The following GPC6 variants were observed in gnomAD, a reference collection of about 807,000 sequenced individuals.
GPC6 encodes glypican 6, also known as glypican-6.
In GPC6, 14 loss-of-function variants were observed where a neutral mutation model predicts 55.2. That is an observed-to-expected ratio of 0.25 (90% CI 0.17 to 0.40). GPC6 has a LOEUF of 0.40. Ranked by LOEUF, GPC6 falls within the 10% of genes least tolerant of loss-of-function variation. The probability of loss-of-function intolerance (pLI) is 1.00; values close to 1 mark genes in which losing one functional copy is unlikely to be tolerated. For synonymous variants in GPC6, 278 were observed against 259.6 expected, an observed-to-expected ratio of 1.07 and a Z score of -0.68; for missense variants, 641 against 708.5, an observed-to-expected ratio of 0.90 and a Z score of 1.08.
chr13:93,845,224 A>G (rs1888127286), intron 3 of GPC6, among the ~76,000 whole-genome samples: 1 of 151,952 alleles, frequency 6.6e-6, no homozygotes, highest in South Asian at 2.1e-4. Context: ...CAAAAAACAC[A>G]TGAAAAAATG....
intron 1 of GPC6, among the ~76,000 whole-genome samples, chr13:93,482,720 G>T (rs1220717108): frequency 6.6e-6 from 1 of 152,058 alleles, no homozygotes; most frequent in Non-Finnish European, 1.5e-5. Flanking sequence ...AATATACTGG[G>T]ATTCATATAT....
At chr13:94,012,535 A>G (rs898247853) in intron 3 of GPC6, among the ~76,000 whole-genome samples, 1 of 152,236 alleles carries the variant, frequency 6.6e-6, no homozygotes. Context: ...TCAATAAACA[A>G]TAGCAACACA....
rs529040339 is a variant in GPC6 at position 94,362,823 on chromosome 13, T to A, written c.1153-19591T>A. ...TCTTTAATCCCTGCATATCCATGAT[T>A]TGAGAAAATTAATTTTCAAGAGAAT... On this transcript the variant is annotated intron_variant, in intron 6 of 8. Coordinates refer to ENST00000377047, the MANE Select transcript of GPC6 (RefSeq NM_005708.5). Among the ~76,000 whole-genome samples the A allele has an allele frequency of 1.3e-4, 20 of 152,306 alleles. No homozygotes were observed. In the South Asian group the frequency reaches 2.5e-3, roughly 19 times the overall value.
intron 1 of GPC6, among the ~76,000 whole-genome samples, chr13:93,328,018 G>A (rs546354699): frequency 2.0e-5 from 3 of 151,610 alleles, no homozygotes; most frequent in African/African-American, 7.3e-5. Flanking sequence ...TGGCCATTTT[G>A]GTTTTATATT....
chr13:93,728,723 T>G (rs2138833407), intron 2 of GPC6, among the ~76,000 whole-genome samples: 1 of 152,112 alleles, frequency 6.6e-6, no homozygotes, highest in South Asian at 2.1e-4. Context: ...CCCACCACCA[T>G]GCCTGGCTAA....
chr13:93,742,625 GCTGACAC>G (rs1884247925), intron 2 of GPC6, among the ~76,000 whole-genome samples: 1 of 152,154 alleles, frequency 6.6e-6, no homozygotes, highest in Admixed American at 6.5e-5. Flanking sequence ...CAATGGAGAG[GCTGACAC>G]CTCATGTCAT....
At chr13:93,781,811 T>C (rs1018773638) in intron 2 of GPC6, among the ~76,000 whole-genome samples, 5 of 152,148 alleles carry the variant, frequency 3.3e-5, no homozygotes, top group Non-Finnish European at 7.3e-5. Flanking sequence ...TTTGAAAAAT[T>C]ATATATGTAT....
At chr13:94,043,340 ATATT>A (rs1883609460) in intron 4 of GPC6, among the ~76,000 whole-genome samples, 1 of 151,826 alleles carries the variant, frequency 6.6e-6, no homozygotes, top group Admixed American at 6.6e-5. Flanking sequence ...CTGACAATTT[ATATT>A]TATTATTTAT....
chr13:93,345,341 T>C (rs1293457705), intron 1 of GPC6, among the ~76,000 whole-genome samples: 5 of 152,128 alleles, frequency 3.3e-5, no homozygotes, highest in Admixed American at 6.6e-5. Flanking sequence ...GTACCTGGCA[T>C]GTATACTTGT....
chr13:93,745,783 C>A lies in GPC6; in HGVS notation c.320-84371C>A, dbSNP rs1316075699. ...TTTCCCATCCTACGATGTCTATGTG[C>A]CCATCTGTATCATCTGCTTCTGATG... On this transcript the variant is annotated intron_variant, in intron 2 of 8. Transcript: ENST00000377047. 4.6e-5 allele frequency among the ~76,000 whole-genome samples: 7 copies of A among 152,130 alleles called. No individual in the cohort carries two copies. In the East Asian group the frequency reaches 1.2e-3, roughly 25 times the overall value.
At chr13:93,357,055 A>G (rs1304639026) in intron 1 of GPC6, among the ~76,000 whole-genome samples, 1 of 152,144 alleles carries the variant, frequency 6.6e-6, no homozygotes, top group Non-Finnish European at 1.5e-5. Context: ...TCCTCCTGCT[A>G]TTTGCATTTG....
intron 1 of GPC6, among the ~76,000 whole-genome samples, chr13:93,302,040 A>G (rs1486955579): frequency 3.9e-5 from 6 of 152,236 alleles, no homozygotes; most frequent in African/African-American, 1.4e-4. Flanking sequence ...AACTTCTGAA[A>G]AGATCACAAT....
chr13:93,587,122 A>T (rs1049223227), intron 2 of GPC6, among the ~76,000 whole-genome samples: 1 of 152,142 alleles, frequency 6.6e-6, no homozygotes, highest in Non-Finnish European at 1.5e-5. Flanking sequence ...TGAGATGTGC[A>T]ATTTTGGGCA....
intron 3 of GPC6, among the ~76,000 whole-genome samples, chr13:93,854,967 C>T (rs1348903906): frequency 6.6e-6 from 1 of 151,558 alleles, no homozygotes; most frequent in Non-Finnish European, 1.5e-5. Flanking sequence ...GTACAGCCTC[C>T]CCTGGTATCA....
At position 93,633,635 on chromosome 13, in the gene GPC6, CAAATAAATAAATAAAT is replaced by C. The variant is rs10656000; in HGVS notation, c.319+88241_319+88256del. Among the ~76,000 whole-genome samples the C allele has an allele frequency of 2.7e-3, 396 of 147,162 alleles. 2 individuals are homozygous for C. The highest frequency in any genetic ancestry group is 5.9e-3 in the African/African-American group (234 of 39,848). On this transcript the variant is annotated intron_variant, in intron 2 of 8. Coordinates refer to ENST00000377047, the MANE Select transcript of GPC6 (RefSeq NM_005708.5). ...TGGGTGACAGAGTGAGACTCTGTCT[CAAATAAATAAATAAAT>C]AAATAAATAAATAAATAAATAAATA...
At chr13:93,424,212 G>A (rs143067578) in intron 1 of GPC6, among the ~76,000 whole-genome samples, 3 of 152,224 alleles carry the variant, frequency 2.0e-5, no homozygotes, top group African/African-American at 7.2e-5. Flanking sequence ...GAGGCCCTCA[G>A]CTGGTGTCAC....
chr13:94,080,860 A>G (rs1885072267), intron 4 of GPC6, among the ~76,000 whole-genome samples: 1 of 152,208 alleles, frequency 6.6e-6, no homozygotes, highest in Non-Finnish European at 1.5e-5. Context: ...TCGAGCTTCA[A>G]GATATGAATT....
chr13:93,253,699 T>C (rs1876860911), intron 1 of GPC6, among the ~76,000 whole-genome samples: 1 of 152,202 alleles, frequency 6.6e-6, no homozygotes, highest in Non-Finnish European at 1.5e-5. Context: ...ATATGGAGGC[T>C]ACATTCCTCT....
chr13:94,311,434 G>C (rs183466648), intron 6 of GPC6, among the ~76,000 whole-genome samples: 2 of 152,260 alleles, frequency 1.3e-5, no homozygotes, highest in East Asian at 3.9e-4. Context: ...CTCCCAAAGT[G>C]CTGGGATTAC....
Sources: gnomAD v4.1 joint callset for allele counts (sites outside exome capture counted in the v4.1 genomes callset) on GRCh38, gnomAD v4.1.1 for gene constraint, MANE v1.5 for transcripts, NCBI Gene and HGNC (gene_info 2026-07-23, HGNC 2026-07-21) for gene names.